Variants in C1GALT1 observed in about 807,000 individuals in gnomAD.
C1GALT1 encodes the protein glycoprotein-N-acetylgalactosamine 3-beta-galactosyltransferase 1.
C1GALT1 carries 11 observed loss-of-function variants against 31.0 expected under a neutral mutation model. The observed-to-expected ratio is 0.36, with a 90% CI of 0.22 to 0.59. The LOEUF (loss-of-function observed/expected upper bound fraction) is 0.59. Ranked by LOEUF, C1GALT1 falls within the 20% of genes least tolerant of loss-of-function variation. The pLI is 0.79. For synonymous variants in C1GALT1, 175 were observed against 143.6 expected (o/e 1.22, Z -1.56); for missense variants, 424 against 425.2 (o/e 1.00, Z 0.03).
intron 2 of C1GALT1, among the ~76,000 whole-genome samples, chr7:7,170,777 G>A (rs974743051): frequency 5.3e-5 from 8 of 152,138 alleles, no homozygotes; most frequent in African/African-American, 1.9e-4. Context: ...GCAGGAGTCC[G>A]TCTCCAAACA....
intron 2 of C1GALT1, among the ~76,000 whole-genome samples, chr7:7,176,307 T>C (rs1780505825): frequency 6.6e-6 from 1 of 152,190 alleles, no homozygotes; most frequent in Non-Finnish European, 1.5e-5. Flanking sequence ...AAATGCCACA[T>C]TATGCAGCTA....
intron 1 of C1GALT1, among the ~76,000 whole-genome samples, chr7:7,209,054 C>G (rs1341436903): frequency 6.6e-6 from 1 of 152,204 alleles, no homozygotes; most frequent in African/African-American, 2.4e-5. Context: ...ATCCAAGAAT[C>G]CTCTAACTTA....
intron 1 of C1GALT1, among the ~76,000 whole-genome samples, chr7:7,206,528 T>C (rs769160404): frequency 1.6e-4 from 25 of 151,926 alleles, no homozygotes; most frequent in Non-Finnish European, 3.1e-4. Flanking sequence ...ACAAAAAAAT[T>C]AGCTGGGTAT....
chr7:7,240,925 C>T (rs1453363641), intron 3 of C1GALT1, among the ~76,000 whole-genome samples: 6 of 151,872 alleles, frequency 4.0e-5, no homozygotes, highest in African/African-American at 1.5e-4. Context: ...TTTTATCTAG[C>T]AAGTCAGGGT....
chr7:7,205,129 A>G (rs1781682796), intron 1 of C1GALT1, among the ~76,000 whole-genome samples: 1 of 152,142 alleles, frequency 6.6e-6, no homozygotes, highest in African/African-American at 2.4e-5. Context: ...CCCAACTGTT[A>G]TCATAGAACT....
intron 1 of C1GALT1, among the ~76,000 whole-genome samples, chr7:7,187,146 C>G (rs2128230192): frequency 6.6e-6 from 1 of 152,292 alleles, no homozygotes; most frequent in Admixed American, 6.5e-5. Context: ...TAAAAACGCA[C>G]AGTAAATGGT....
intron 1 of C1GALT1, among the ~76,000 whole-genome samples, chr7:7,193,436 G>A (rs1682498382): frequency 6.6e-6 from 1 of 152,076 alleles, no homozygotes; most frequent in African/African-American, 2.4e-5. Flanking sequence ...TTACGTTTGT[G>A]TTTGCTTTGT....
Position 7,244,651 on chromosome 7 carries a change from T to C in C1GALT1, c.*924T>C. ...GACATTTTAAATTGATATTTTAAACTCTTTCCAACTACATAGTTATGGTTT... is the reference window on the plus strand; with the variant it reads ...GACATTTTAAATTGATATTTTAAACCCTTTCCAACTACATAGTTATGGTTT... On this transcript the variant is annotated 3_prime_UTR_variant, in exon 4 of 4. Coordinates refer to ENST00000436587, the MANE Select transcript of C1GALT1 (RefSeq NM_020156.5). 1 of 152,182 alleles carries C rather than the reference T, an allele frequency of 6.6e-6. No homozygotes were observed. Among genetic ancestry groups the C allele is most frequent in the East Asian group, 1.9e-4 (1 of 5,196 alleles). 9.4% of individuals were successfully genotyped at this position (152,182 alleles called of 1,614,324 possible). A position where few individuals can be genotyped will look rare whatever the true frequency, so the allele number is the denominator to read the frequency against.
At position 7,238,811 on chromosome 7, in the gene C1GALT1, T is replaced by C; in HGVS notation, c.777T>C (p.Asp259=). ...IMNVEAGDSR[D]TIGKETFHPF... ...ATGTAGAAGCAGGAGATTCCAGAGA[T>C]ACCATTGGAAAAGAAACTTTTCATC... is the stretch of plus-strand genomic sequence containing the variant. Residue 259 remains aspartate (D), a synonymous_variant, in exon 3 of 4, where the codon GAT becomes GAC. Coordinates refer to ENST00000436587, the MANE Select transcript of C1GALT1 (RefSeq NM_020156.5). This position sits in a 1 kb window ranked among gnomAD's most constrained non-coding sequence, Gnocchi z 5.2. 2.5e-6 allele frequency: 4 copies of C among 1,613,830 alleles called. No individual in the cohort carries two copies. Among genetic ancestry groups the C allele is most frequent in the Non-Finnish European group, 3.4e-6 (4 of 1,179,916 alleles).
rs1331105470 is a variant in C1GALT1 at position 7,247,637 on chromosome 7, T to C, written c.*3910T>C. The C allele has an allele frequency of 6.6e-6, 1 of 152,156 alleles. No homozygotes were observed. The highest frequency in any genetic ancestry group is 2.4e-5 in the African/African-American group (1 of 41,464). The allele number at this position is 152,156 out of a possible 1,614,324, so 9.4% of individuals were successfully genotyped here. On this transcript the variant is annotated 3_prime_UTR_variant, in exon 4 of 4. Coordinates refer to ENST00000436587, the MANE Select transcript of C1GALT1 (RefSeq NM_020156.5). ...CACTGTACTTGAAAGAATCCCTTGATTAAATTACATCTAGCATTTTATTTG... is the reference window on the plus strand; with the variant it reads ...CACTGTACTTGAAAGAATCCCTTGACTAAATTACATCTAGCATTTTATTTG...
In C1GALT1 at chr7:7,238,886, T is replaced by G; in HGVS notation, c.852T>G (p.Phe284Leu). The change falls in exon 3 of 4, where the codon TTT (phenylalanine) becomes TTG (leucine). Residue 284 changes from phenylalanine to leucine, a missense_variant. This residue lies in a region of C1GALT1 where 191 missense variants were observed against 188.8 expected (regional missense o/e 1.01). Coordinates refer to ENST00000436587, the MANE Select transcript of C1GALT1 (RefSeq NM_020156.5). This position sits in a 1 kb window ranked among gnomAD's most constrained non-coding sequence, Gnocchi z 5.2. ...HLIKGYLPRT[F>L]WYWNYNYYPP... ...TTAAAGGTTATCTACCTAGAACGTT[T>G]TGGTACTGGAATTACAACTATTATC... 1.9e-6 allele frequency: 3 copies of G among 1,613,486 alleles called. No homozygotes were observed. Among genetic ancestry groups the G allele is most frequent in the Non-Finnish European group, 2.5e-6 (3 of 1,179,756 alleles).
chr7:7,231,617 A>G (rs1783078042), intron 1 of C1GALT1, among the ~76,000 whole-genome samples: 1 of 152,048 alleles, frequency 6.6e-6, no homozygotes, highest in African/African-American at 2.4e-5. Context: ...CTTGCCATTT[A>G]ATTTCTTGAC....
rs187559285 is a variant in C1GALT1, at chr7:7,193,547, C to T, written c.-18+10727C>T. Among the ~76,000 whole-genome samples, 1,039 of 152,138 alleles carry T rather than the reference C, an allele frequency of 6.8e-3. 9 individuals carry two copies. The highest frequency in any genetic ancestry group is 0.024 in the African/African-American group (990 of 41,514). Reference sequence around the variant, plus strand: ...TTTTTATACCAGTACCATGCTGTTTCGGTAACTATAGCCTTTTAGTTTAGT... The same window carrying T: ...TTTTTATACCAGTACCATGCTGTTTTGGTAACTATAGCCTTTTAGTTTAGT... On this transcript the variant is annotated intron_variant, in intron 1 of 3. Coordinates refer to ENST00000436587, the MANE Select transcript of C1GALT1 (RefSeq NM_020156.5).
rs1783802704 is a variant in C1GALT1 at position 7,245,404 on chromosome 7, C to G, written c.*1677C>G. On this transcript the variant is annotated 3_prime_UTR_variant, in exon 4 of 4. Coordinates refer to ENST00000436587, the MANE Select transcript of C1GALT1 (RefSeq NM_020156.5). ...TGTTGGCCAGGCTGGTCTTGAACTC[C>G]TGACCTCAGGTGATCCACCCACCTT... is the stretch of plus-strand genomic sequence containing the variant. 2 of 152,254 alleles carry G rather than the reference C, an allele frequency of 1.3e-5. No individual in the cohort carries two copies. The highest frequency in any genetic ancestry group is 4.8e-5 in the African/African-American group (2 of 41,448). 9.4% of individuals were successfully genotyped at this position (152,254 alleles called of 1,614,324 possible).
chr7:7,162,496 T>C (rs1359967860), intron 2 of C1GALT1, among the ~76,000 whole-genome samples: 2 of 151,932 alleles, frequency 1.3e-5, no homozygotes. Context: ...GTGCCACATT[T>C]TCTTAATCCA....
chr7:7,232,591 G>A (rs1033322483), intron 1 of C1GALT1, among the ~76,000 whole-genome samples: 1 of 151,368 alleles, frequency 6.6e-6, no homozygotes, highest in African/African-American at 2.4e-5. Context: ...CCAGGTTCTA[G>A]TGATTCTTTT....
intron 1 of C1GALT1, among the ~76,000 whole-genome samples, chr7:7,221,244 T>A (rs1188401608): frequency 6.6e-6 from 1 of 152,216 alleles, no homozygotes; most frequent in Non-Finnish European, 1.5e-5. Flanking sequence ...TTGCTTACTT[T>A]CAGGGAGATT....
intron 3 of C1GALT1, among the ~76,000 whole-genome samples, chr7:7,243,175 G>A (rs1010629926): frequency 5.3e-5 from 8 of 152,110 alleles, no homozygotes; most frequent in Non-Finnish European, 1.2e-4. Flanking sequence ...ATGAGGAAGA[G>A]AAAGCAGATG....
intron 1 of C1GALT1, among the ~76,000 whole-genome samples, chr7:7,194,354 G>T (rs935268620): frequency 6.6e-6 from 1 of 151,924 alleles, no homozygotes; most frequent in African/African-American, 2.4e-5. Context: ...TCCTTTCTAT[G>T]CCAATTTTGC....
Sources: gnomAD v4.1 joint callset for allele counts (sites outside exome capture counted in the v4.1 genomes callset) on GRCh38, gnomAD v4.1.1 for gene constraint, gnomAD v4.1.1 regional missense constraint, Gnocchi (gnomAD v3.1) non-coding constraint, MANE v1.5 for transcripts, NCBI Gene and HGNC (gene_info 2026-07-23, HGNC 2026-07-21) for gene names.